Variants in DGKB observed in about 807,000 individuals in gnomAD.
DGKB encodes the protein diacylglycerol kinase beta, also known as 90 kDa diacylglycerol kinase.
DGKB carries 67 observed loss-of-function variants against 114.3 expected under a neutral mutation model. The observed-to-expected ratio is 0.59, with a 90% CI of 0.48 to 0.72. The LOEUF is 0.72. Among genes scored for constraint, DGKB ranks in the 30% least tolerant of loss-of-function variants. The pLI, the probability that DGKB is intolerant of heterozygous loss-of-function variation, is 0.00. For synonymous variants in DGKB, 398 were observed against 323.1 expected (o/e 1.23, Z -2.49); for missense variants, 907 against 975.2 (o/e 0.93, Z 0.93).
At chr7:14,396,981 GT>G (rs1563096712) in intron 21 of DGKB, among the ~76,000 whole-genome samples, 1 of 152,008 alleles carries the variant, frequency 6.6e-6, no homozygotes, top group Non-Finnish European at 1.5e-5. Context: ...CAAAAATTAT[GT>G]TATATGGAAA....
chr7:14,762,602 C>T (rs1416628857), intron 2 of DGKB, among the ~76,000 whole-genome samples: 1 of 152,068 alleles, frequency 6.6e-6, no homozygotes, highest in Non-Finnish European at 1.5e-5. Flanking sequence ...CACTTAGTTC[C>T]TCTCACATCT....
At chr7:14,184,669 C>G (rs1011365046) in intron 23 of DGKB, among the ~76,000 whole-genome samples, 2 of 152,094 alleles carry the variant, frequency 1.3e-5, no homozygotes, top group Non-Finnish European at 2.9e-5. Flanking sequence ...TAACCCTGCC[C>G]TCCTCCTGAT....
intron 23 of DGKB, among the ~76,000 whole-genome samples, chr7:14,186,865 G>T (rs113222081): frequency 0.022 from 3,339 of 151,870 alleles, 106 homozygotes; most frequent in African/African-American, 0.069. Flanking sequence ...TGGGGACTTG[G>T]GGGGAAGAGT....
chr7:14,398,408 A>G (rs1822570416), intron 21 of DGKB, among the ~76,000 whole-genome samples: 1 of 152,098 alleles, frequency 6.6e-6, no homozygotes, highest in Non-Finnish European at 1.5e-5. Context: ...AATTCATTCA[A>G]AAGGCTGAGC....
chr7:14,510,103 A>C (rs904474888), intron 20 of DGKB, among the ~76,000 whole-genome samples: 20 of 152,204 alleles, frequency 1.3e-4, no homozygotes, highest in African/African-American at 4.8e-4. Context: ...CTCAATGCTG[A>C]GGCTGTTGAC....
At chr7:14,674,480 T>C (rs1218480544) in intron 12 of DGKB, among the ~76,000 whole-genome samples, 1 of 152,192 alleles carries the variant, frequency 6.6e-6, no homozygotes, top group Admixed American at 6.6e-5. Context: ...GAATCTGCCA[T>C]GGCCATGGAT....
chr7:14,479,441 A>C (rs1035512440), intron 20 of DGKB, among the ~76,000 whole-genome samples: 7 of 152,134 alleles, frequency 4.6e-5, no homozygotes, highest in Non-Finnish European at 7.4e-5. Context: ...CAAGTAATTG[A>C]ATGAATCCAT....
At chr7:14,968,139 A>G (rs1307658210) in intron 1 of DGKB, among the ~76,000 whole-genome samples, 1 of 152,118 alleles carries the variant, frequency 6.6e-6, no homozygotes, top group Non-Finnish European at 1.5e-5. Flanking sequence ...TTTTTATCTC[A>G]AGACAAGTTT....
chr7:14,177,301 C>G (rs1253958763), intron 24 of DGKB, among the ~76,000 whole-genome samples: 1 of 151,916 alleles, frequency 6.6e-6, no homozygotes, highest in East Asian at 1.9e-4. Context: ...ATCAATTATT[C>G]CTGTGCTACA....
At chr7:14,951,595 T>G in intron 1 of DGKB, among the ~76,000 whole-genome samples, 1 of 151,972 alleles carries the variant, frequency 6.6e-6, no homozygotes. Context: ...TACATATCAT[T>G]ATATATTTGT....
chr7:14,455,399 C>T (rs890128936), intron 21 of DGKB, among the ~76,000 whole-genome samples: 4 of 151,950 alleles, frequency 2.6e-5, no homozygotes, highest in African/African-American at 9.7e-5. Context: ...ACAGATGTGG[C>T]ATTTTTGCAT....
At chr7:14,394,397 T>C (rs909255661) in intron 21 of DGKB, among the ~76,000 whole-genome samples, 4 of 152,176 alleles carry the variant, frequency 2.6e-5, no homozygotes, top group Admixed American at 2.0e-4. Flanking sequence ...TCATATATTA[T>C]TGACAAAGAA....
intron 21 of DGKB, among the ~76,000 whole-genome samples, chr7:14,355,522 T>A (rs1291456521): frequency 2.0e-5 from 3 of 152,200 alleles, no homozygotes; most frequent in African/African-American, 7.2e-5. Context: ...CTTTTCTGCA[T>A]CTACTGAGAT....
At chr7:14,968,751 G>A (rs1226795839) in intron 1 of DGKB, among the ~76,000 whole-genome samples, 1 of 152,148 alleles carries the variant, frequency 6.6e-6, no homozygotes, top group Non-Finnish European at 1.5e-5. Context: ...GAAGCAAAAT[G>A]TGATATTTCT....
chr7:14,690,386 TTCTG>T (rs1822618486), intron 9 of DGKB, among the ~76,000 whole-genome samples: 1 of 152,226 alleles, frequency 6.6e-6, no homozygotes, highest in Non-Finnish European at 1.5e-5. Context: ...CTCCTATGCT[TTCTG>T]TCTATTAGTC....
At chr7:14,679,589 G>A (rs992127531) in intron 12 of DGKB, among the ~76,000 whole-genome samples, 2 of 151,972 alleles carry the variant, frequency 1.3e-5, no homozygotes, top group East Asian at 3.9e-4. Flanking sequence ...TATTCTTCAC[G>A]GAACCCGAAT....
Position 14,170,149 on chromosome 7 carries a change from G to GAAAGAAAGAAAGAAAGAAAGAAAGAAAGA in DGKB, c.2304+6661_2304+6689dup, listed in dbSNP as rs1780705221. Among the ~76,000 whole-genome samples, 5 of 26,570 alleles carry GAAAGAAAGAAAGAAAGAAAGAAAGAAAGA rather than the reference G, an allele frequency of 1.9e-4. No individual in the cohort carries two copies. The Admixed American group carries it at 2.0e-3, about 11-fold the overall frequency. 17.4% of individuals were successfully genotyped at this position (26,570 alleles called of 152,430 possible). A position where few individuals can be genotyped will look rare whatever the true frequency, so the allele number is the denominator to read the frequency against. ...AACTCCATCTCAAAAAAAAAAAAAA[G>GAAAGAAAGAAAGAAAGAAAGAAAGAAAGA]AAAGAAAGAAAGAAAGAAAGAAAGA... On this transcript the variant is annotated intron_variant, in intron 25 of 25. Coordinates refer to ENST00000402815, the MANE Select transcript of DGKB (RefSeq NM_001350709.2).
intron 21 of DGKB, among the ~76,000 whole-genome samples, chr7:14,385,751 A>T (rs1018537516): frequency 6.6e-6 from 1 of 152,232 alleles, no homozygotes; most frequent in African/African-American, 2.4e-5. Context: ...TGATATATGA[A>T]TGTAAGCATC....
chr7:14,694,861 G>A (rs1823535150), intron 8 of DGKB, among the ~76,000 whole-genome samples: 1 of 152,114 alleles, frequency 6.6e-6, no homozygotes, highest in South Asian at 2.1e-4. Flanking sequence ...CAGAGTCAGA[G>A]TCATATAGTG....
Sources: allele counts gnomAD v4.1 joint callset (sites outside exome capture counted in the v4.1 genomes callset), GRCh38; gene constraint gnomAD v4.1.1; transcripts MANE v1.5; gene names NCBI Gene and HGNC (gene_info 2026-07-23, HGNC 2026-07-21).